The following UBR3 variants were observed in gnomAD, a reference collection of about 807,000 sequenced individuals.
UBR3 encodes the protein ubiquitin protein ligase E3 component n-recognin 3.
A neutral mutation model predicts 243.2 loss-of-function variants in UBR3; 85 were observed. The observed-to-expected ratio is 0.35, with a 90% confidence interval of 0.29 to 0.42. The LOEUF (loss-of-function observed/expected upper bound fraction) is 0.42. UBR3 is among the 10% of genes least tolerant of loss of function. UBR3 has a pLI of 1.00. For missense variants in UBR3, 1,686 were observed against 2,300.8 expected (o/e 0.73, Z 5.47); for synonymous variants, 748 against 799.8 (o/e 0.94, Z 1.09).
chr2:169,883,570 T>G (rs1398372595), intron 5 of UBR3, among the ~76,000 whole-genome samples: 1 of 152,228 alleles, frequency 6.6e-6, no homozygotes, highest in East Asian at 1.9e-4. Context: ...AACCAGGATA[T>G]GACATTAGTC....
intron 18 of UBR3, among the ~76,000 whole-genome samples, chr2:169,930,485 C>T (rs2086080629): frequency 6.6e-6 from 1 of 151,862 alleles, no homozygotes; most frequent in South Asian, 2.1e-4. Flanking sequence ...CTACTGGGCT[C>T]AAGTGGTCCT....
Position 170,061,166 on chromosome 2 carries a change from G to C in UBR3, c.4873G>C (p.Gly1625Arg). 1.9e-6 allele frequency: 3 copies of C among 1,596,448 alleles called. No individual in the cohort carries two copies. The highest frequency in any genetic ancestry group is 2.6e-6 in the Non-Finnish European group (3 of 1,175,086). The change falls in exon 34 of 39, where the codon GGA becomes CGA. Residue 1625 changes from glycine (G) to arginine (R), a missense_variant. By Grantham distance (125) the Gly-to-Arg change is moderately radical. Around this residue, in one of 8 missense-constraint regions of UBR3, gnomAD observed 371 missense variants for 422.5 expected, o/e 0.88. Transcript: ENST00000272793. ...LFKGKLYHEE[G>R]TQECAMVNPI... ...TAAAGGAAAGTTATACCATGAAGAA[G>C]GAACTCAGGAATGTGCAATGGTATG...
At chr2:169,991,593 A>G (rs1553527388) in intron 25 of UBR3, among the ~76,000 whole-genome samples, 1 of 152,014 alleles carries the variant, frequency 6.6e-6, no homozygotes, top group South Asian at 2.1e-4. Flanking sequence ...TATTATTATT[A>G]TTTTTTTGAG....
chr2:169,882,826 TA>T (rs1216546759), intron 5 of UBR3, among the ~76,000 whole-genome samples: 4 of 152,074 alleles, frequency 2.6e-5, no homozygotes, highest in African/African-American at 9.7e-5. Context: ...TTATAAAAAT[TA>T]TGACTGCTTG....
intron 1 of UBR3, among the ~76,000 whole-genome samples, chr2:169,836,043 C>G (rs13423610): frequency 1.2e-4 from 1 of 8,052 alleles, no homozygotes; most frequent in Non-Finnish European, 2.1e-4. Flanking sequence ...CTCTCTCTCT[C>G]TATATATATA....
intron 23 of UBR3, among the ~76,000 whole-genome samples, chr2:169,954,300 G>A (rs1017511797): frequency 6.6e-6 from 1 of 152,130 alleles, no homozygotes; most frequent in Non-Finnish European, 1.5e-5. Context: ...GAGTATAGTG[G>A]TATGATCACG....
At chr2:169,861,360 A>T (rs1040472522) in intron 1 of UBR3, among the ~76,000 whole-genome samples, 7 of 152,234 alleles carry the variant, frequency 4.6e-5, no homozygotes, top group African/African-American at 1.7e-4. Context: ...CCGTAATCCC[A>T]GCACTCTGGG....
intron 8 of UBR3, among the ~76,000 whole-genome samples, chr2:169,904,807 T>C (rs17554702): frequency 0.42 from 64,337 of 151,978 alleles, 15,223 homozygotes; most frequent in Non-Finnish European, 0.54. Flanking sequence ...TTTATAAACA[T>C]ACAGCTACCT....
At chr2:169,953,182 A>G (rs1352876860) in intron 23 of UBR3, among the ~76,000 whole-genome samples, 2 of 152,148 alleles carry the variant, frequency 1.3e-5, no homozygotes, top group African/African-American at 4.8e-5. Flanking sequence ...TTTCTTTGTG[A>G]TAGGTTTTGT....
intron 27 of UBR3, among the ~76,000 whole-genome samples, chr2:170,004,568 C>T (rs2089837298): frequency 6.6e-6 from 1 of 151,642 alleles, no homozygotes; most frequent in African/African-American, 2.4e-5. Flanking sequence ...GTAAAGGGGG[C>T]AGGGGTGGGG....
intron 1 of UBR3, among the ~76,000 whole-genome samples, chr2:169,845,498 GTCA>G (rs878940154): frequency 0.31 from 16,494 of 52,806 alleles, 1,191 homozygotes; most frequent in Non-Finnish European, 0.33. Flanking sequence ...CCTCTTCGTC[GTCA>G]TCGTCGTCGT....
At chr2:170,067,155 T>C (rs2091589987) in intron 35 of UBR3, among the ~76,000 whole-genome samples, 1 of 152,078 alleles carries the variant, frequency 6.6e-6, no homozygotes, top group African/African-American at 2.4e-5. Flanking sequence ...TGTTAACATC[T>C]GGACCCAGGC....
Position 170,014,786 on chromosome 2 carries a change from T to C in UBR3, c.4368-495T>C, listed in dbSNP as rs1053757815. On this transcript the variant is annotated intron_variant, in intron 29 of 38. Coordinates refer to ENST00000272793, the MANE Select transcript of UBR3 (RefSeq NM_172070.4). ...TTGTTCATAGCCATTTCTATATTAGTGATTTTGTTTCTTAATATTGATTTC... is the reference window on the plus strand; with the variant it reads ...TTGTTCATAGCCATTTCTATATTAGCGATTTTGTTTCTTAATATTGATTTC... 2.0e-5 allele frequency: 3 copies of C among 153,470 alleles called. 1 individual carries two copies. The highest frequency in any genetic ancestry group is 4.0e-4 in the South Asian group (2 of 4,942). The allele number at this position is 153,470 out of a possible 1,614,324, so 9.5% of individuals were successfully genotyped here. A position where few individuals can be genotyped will look rare whatever the true frequency, so the allele number is the denominator to read the frequency against.
chr2:169,828,945 A>T (rs1321503779), intron 1 of UBR3, among the ~76,000 whole-genome samples: 1 of 152,236 alleles, frequency 6.6e-6, no homozygotes, highest in Non-Finnish European at 1.5e-5. Flanking sequence ...GAGTTGGTAC[A>T]TGTAGGGTCG....
chr2:170,042,142 C>T (rs1403758013), intron 32 of UBR3, among the ~76,000 whole-genome samples: 1 of 152,180 alleles, frequency 6.6e-6, no homozygotes, highest in Non-Finnish European at 1.5e-5. Flanking sequence ...CTTCTCCCAA[C>T]CCCTGGAAAC....
At chr2:170,066,498 C>T (rs1215288459) in intron 35 of UBR3, among the ~76,000 whole-genome samples, 1 of 119,656 alleles carries the variant, frequency 8.4e-6, no homozygotes, top group Admixed American at 9.0e-5. Context: ...CTCTGAGGGG[C>T]TCATGATTAT....
At chr2:169,873,394 G>A (rs753301907) in intron 2 of UBR3, among the ~76,000 whole-genome samples, 1 of 152,058 alleles carries the variant, frequency 6.6e-6, no homozygotes, top group Non-Finnish European at 1.5e-5. Context: ...AAAATAAGCT[G>A]GGCATGGTGT....
chr2:169,927,076 A>G, intron 16 of UBR3, 105 bp downstream of exon 16: 2 of 1,317,100 alleles, frequency 1.5e-6, no homozygotes, highest in Admixed American at 2.4e-5. Context: ...GGATGTAGAT[A>G]AATGTAAACA....
intron 11 of UBR3, among the ~76,000 whole-genome samples, chr2:169,921,723 G>GGTTCA (rs1233317409): frequency 3.3e-5 from 5 of 152,192 alleles, no homozygotes; most frequent in Non-Finnish European, 7.3e-5. Context: ...CAGGCACAGT[G>GGTTCA]GTTCACGCCT....
Sources: gnomAD v4.1 joint callset for allele counts (sites outside exome capture counted in the v4.1 genomes callset) on GRCh38, gnomAD v4.1.1 for gene constraint, gnomAD v4.1.1 regional missense constraint, MANE v1.5 for transcripts, NCBI Gene and HGNC (gene_info 2026-07-23, HGNC 2026-07-21) for gene names.